The following DLEC1 variants were observed in gnomAD, a reference collection of about 807,000 sequenced individuals.
DLEC1 encodes DLEC1 cilia and flagella associated protein.
A neutral mutation model predicts 198.1 loss-of-function variants in DLEC1; 146 were observed. The observed-to-expected ratio is 0.74, with a 90% CI of 0.64 to 0.85. The LOEUF (loss-of-function observed/expected upper bound fraction) is 0.85, where lower values mean the gene tolerates loss of function less well. Among genes scored for constraint, DLEC1 ranks in the 40% least tolerant of loss-of-function variants. DLEC1 has a pLI of 0.00. For synonymous variants in DLEC1, 897 were observed against 866.8 expected (o/e 1.03, Z -0.61); for missense variants, 2,233 against 2,220.0 (o/e 1.01, Z -0.12).
At chr3:38,084,530 A>AGTGGTG (rs1698307699) in intron 7 of DLEC1, among the ~76,000 whole-genome samples, 1 of 85,404 alleles carries the variant, frequency 1.2e-5, no homozygotes, top group African/African-American at 5.8e-5. Context: ...TAGTAGTAGT[A>AGTGGTG]GTGGTGGTGG....
intron 23 of DLEC1, 78 bp from the exon 24 acceptor site, chr3:38,111,598 TG>T: frequency 6.7e-7 from 1 of 1,487,458 alleles, no homozygotes. Flanking sequence ...GGTAGAATGC[TG>T]GTTGCTCTAG....
In DLEC1 at chr3:38,097,760, TCAA is replaced by T. The variant is rs1699105998; in HGVS notation, c.2584_2586del (p.Asn862del). ...GTGTCTCAGGGGCCTGCCCTCATCA[TCAA>T]CGTCTCAGCCCTTCAGTTTGGTCTG... On this transcript the variant is annotated inframe_deletion, in exon 18 of 37. Coordinates refer to ENST00000308059, the MANE Select transcript of DLEC1 (RefSeq NM_007335.4). The T allele has an allele frequency of 1.2e-6, 2 of 1,614,084 alleles. No individual in the cohort carries two copies. Among genetic ancestry groups the T allele is most frequent in the East Asian group, 2.2e-5 (1 of 44,846 alleles).
intron 30 of DLEC1, 33 bp downstream of exon 30, chr3:38,117,133 G>A (rs368409337): frequency 4.0e-5 from 65 of 1,613,788 alleles, no homozygotes; most frequent in Middle Eastern, 1.6e-4. Context: ...GGGGGCCGCA[G>A]CCACTGCTCC....
intron 30 of DLEC1, 42 bp from the exon 31 acceptor site, chr3:38,117,166 C>T (rs1349279604): frequency 6.2e-7 from 1 of 1,613,980 alleles, no homozygotes; most frequent in African/African-American, 1.3e-5. Context: ...ATGCTGCCTA[C>T]TCAGCCCAGG....
chr3:38,082,461 C>G (rs73062830), intron 6 of DLEC1, among the ~76,000 whole-genome samples: 51,509 of 151,658 alleles, frequency 0.34, 9,092 homozygotes, highest in East Asian at 0.54. Context: ...TCCTTGCCCT[C>G]GGGCCCCGCG....
intron 8 of DLEC1, 24 bp downstream of exon 8, chr3:38,085,471 ACAGATT>A (rs778647850): frequency 6.2e-7 from 1 of 1,611,488 alleles, no homozygotes; most frequent in African/African-American, 1.3e-5. Context: ...GTAGCTTCCC[ACAGATT>A]CAGTTAAGGT....
chr3:38,041,864 AAAG>A (rs1700673369), intron 1 of DLEC1, among the ~76,000 whole-genome samples: 1 of 151,972 alleles, frequency 6.6e-6, no homozygotes, highest in Non-Finnish European at 1.5e-5. Flanking sequence ...AAAAAAAAAA[AAAG>A]AAATACAACT....
Position 38,081,997 on chromosome 3 carries a change from G to A in DLEC1, c.1174-2161G>A, listed in dbSNP as rs1206994275. ...GGGCGGAGAGGCTCCTCACTTCTCA[G>A]ACGGGGCAGCTGCCGGGCGGAGGGG... On this transcript the variant is annotated intron_variant, in intron 6 of 36. Coordinates refer to ENST00000308059, the MANE Select transcript of DLEC1 (RefSeq NM_007335.4). Among the ~76,000 whole-genome samples, 936 of 132,314 alleles carry A rather than the reference G, an allele frequency of 7.1e-3. 2 individuals carry two copies. Among genetic ancestry groups the A allele is most frequent in the African/African-American group, 0.025 (856 of 34,500 alleles). The allele number at this position is 132,314 out of a possible 152,430, so 86.8% of individuals were successfully genotyped here. A position where few individuals can be genotyped will look rare whatever the true frequency, so the allele number is the denominator to read the frequency against.
In DLEC1 at chr3:38,039,537, C is replaced by T; in HGVS notation, c.312C>T (p.Tyr104=). The T allele has an allele frequency of 6.2e-7, 1 of 1,614,052 alleles. No homozygotes were observed. Among genetic ancestry groups the T allele is most frequent in the Non-Finnish European group, 8.5e-7 (1 of 1,179,946 alleles). ...HLLTGVFRNL[Y]SAEVIGDEVS... ...TCACCGGCGTCTTCCGCAACTTGTACTCAGCCGAGGTCATCGGCGACGAAG... is the reference window on the plus strand; with the variant it reads ...TCACCGGCGTCTTCCGCAACTTGTATTCAGCCGAGGTCATCGGCGACGAAG... Residue 104 remains tyrosine (Y), a synonymous_variant, in exon 1 of 37, where the codon TAC becomes TAT. Coordinates refer to ENST00000308059, the MANE Select transcript of DLEC1 (RefSeq NM_007335.4).
chr3:38,068,417 G>A (rs191071508), intron 6 of DLEC1, among the ~76,000 whole-genome samples: 11 of 152,152 alleles, frequency 7.2e-5, no homozygotes, highest in Non-Finnish European at 1.6e-4. Context: ...TTTTTGTATA[G>A]ACGGGTTTTT....
Position 38,122,943 on chromosome 3 carries a change from C to A in DLEC1, c.*531C>A. 8.5e-7 allele frequency: 1 copy of A among 1,179,806 alleles called. No homozygotes were observed. The allele number at this position is 1,179,806 out of a possible 1,614,324, so 73.1% of individuals were successfully genotyped here. A position where few individuals can be genotyped will look rare whatever the true frequency, so the allele number is the denominator to read the frequency against. On this transcript the variant is annotated 3_prime_UTR_variant, in exon 37 of 37. Transcript: ENST00000308059. The stretch of plus-strand genomic sequence containing the variant: ...GCCTTGATCTGTCCACTGCCACCAC[C>A]ACCAGTGCTGAGTTTTCCCATGTGG...
In DLEC1 at chr3:38,116,604, C is replaced by T. The variant is rs1184921748; in HGVS notation, c.4008C>T (p.Leu1336=). The T allele has an allele frequency of 1.2e-6, 2 of 1,614,146 alleles. No individual in the cohort carries two copies. Among genetic ancestry groups the T allele is most frequent in the Non-Finnish European group, 8.5e-7 (1 of 1,179,994 alleles). The change falls in exon 28 of 37, where the codon CTC becomes CTT. Residue 1336 remains leucine, a synonymous_variant. Coordinates refer to ENST00000308059, the MANE Select transcript of DLEC1 (RefSeq NM_007335.4). ...ATACCCCTGAGGGTGGCTGCCTCCTCTGGTCCCCAGGCCCCTCCAGTTCAT... is the reference window on the plus strand; with the variant it reads ...ATACCCCTGAGGGTGGCTGCCTCCTTTGGTCCCCAGGCCCCTCCAGTTCAT... ...CPDTPEGGCL[L]WSPGPSSSSE...
At chr3:38,085,560 C>A in intron 8 of DLEC1, 113 bp downstream of exon 8, 1 of 1,338,400 alleles carries the variant, frequency 7.5e-7, no homozygotes, top group Non-Finnish European at 1.0e-6. Flanking sequence ...CTCTCTTGGG[C>A]AGGGGCCGTG....
At chr3:38,092,316 T>C (rs1698783200) in intron 10 of DLEC1, among the ~76,000 whole-genome samples, 1 of 152,218 alleles carries the variant, frequency 6.6e-6, no homozygotes, top group African/African-American at 2.4e-5. Context: ...TGATTGCACC[T>C]ATATGTTGGA....
At chr3:38,042,947 C>A (rs1700726991) in intron 1 of DLEC1, among the ~76,000 whole-genome samples, 1 of 152,142 alleles carries the variant, frequency 6.6e-6, no homozygotes, top group Non-Finnish European at 1.5e-5. Flanking sequence ...ATGTCACTGC[C>A]ATGTGACCAT....
intron 19 of DLEC1, among the ~76,000 whole-genome samples, chr3:38,104,724 T>C (rs548079069): frequency 3.6e-4 from 55 of 152,330 alleles, no homozygotes; most frequent in Middle Eastern, 6.8e-3. Flanking sequence ...ATGTTGGTGA[T>C]ATTTTCAAAG....
chr3:38,069,882 T>C (rs75317114), intron 6 of DLEC1, among the ~76,000 whole-genome samples: 2,648 of 152,258 alleles, frequency 0.017, 75 homozygotes, highest in African/African-American at 0.061. Context: ...GGAATACAAA[T>C]CTATAAATAA....
chr3:38,119,215 C>G (rs918513369), intron 33 of DLEC1, among the ~76,000 whole-genome samples: 10 of 152,204 alleles, frequency 6.6e-5, no homozygotes, highest in African/African-American at 2.4e-4. Context: ...AATGCTCAGG[C>G]TTCTGGCTCC....
Position 38,039,515 on chromosome 3 carries a change from C to G in DLEC1, c.290C>G (p.Thr97Ser), listed in dbSNP as rs1266880825. 6.2e-7 allele frequency: 1 copy of G among 1,614,052 alleles called. No individual in the cohort carries two copies. Among genetic ancestry groups the G allele is most frequent in the Non-Finnish European group, 8.5e-7 (1 of 1,179,926 alleles). The change falls in exon 1 of 37, where the codon ACC becomes AGC. Residue 97 changes from threonine (T) to serine (S), a missense_variant. Coordinates refer to ENST00000308059, the MANE Select transcript of DLEC1 (RefSeq NM_007335.4). ...ACCCAAGATATCTCGCACTTGCTCA[C>G]CGGCGTCTTCCGCAACTTGTACTCA... ...LRTQDISHLL[T>S]GVFRNLYSAE...
Sources: allele counts gnomAD v4.1 joint callset (sites outside exome capture counted in the v4.1 genomes callset), GRCh38; gene constraint gnomAD v4.1.1; transcripts MANE v1.5; gene names NCBI Gene and HGNC (gene_info 2026-07-23, HGNC 2026-07-21).